Variants in PBX3 observed in about 807,000 individuals in gnomAD.
The protein encoded by PBX3 is PBX homeobox 3.
PBX3 carries 14 observed loss-of-function variants against 48.5 expected under a neutral mutation model. That is an observed-to-expected ratio of 0.29 (90% CI 0.19 to 0.45). The LOEUF is 0.45. PBX3 is among the 20% of genes least tolerant of loss of function. PBX3 has a pLI of 1.00. For synonymous variants in PBX3, 210 were observed against 200.3 expected (o/e 1.05, Z -0.41); for missense variants, 386 against 546.7 (o/e 0.71, Z 2.93).
At chr9:125,752,659 A>T (rs1448784745) in intron 2 of PBX3, among the ~76,000 whole-genome samples, 3 of 152,192 alleles carry the variant, frequency 2.0e-5, no homozygotes, top group Non-Finnish European at 4.4e-5. Context: ...TTAAGGTTTC[A>T]ATATAAAAAT....
chr9:125,856,740 A>T (rs1245773003), intron 2 of PBX3, among the ~76,000 whole-genome samples: 1 of 152,240 alleles, frequency 6.6e-6, no homozygotes, highest in Admixed American at 6.5e-5. Flanking sequence ...GAATGTTTGT[A>T]GCTAGCAATG....
intron 1 of PBX3, chr9:125,748,291 GT>G: frequency 1.8e-6 from 2 of 1,103,506 alleles, no homozygotes; most frequent in East Asian, 1.2e-4. Flanking sequence ...CCCCGCGCGG[GT>G]TCGCGTCGCG....
At chr9:125,945,671 A>G (rs950594054) in intron 5 of PBX3, among the ~76,000 whole-genome samples, 2 of 152,220 alleles carry the variant, frequency 1.3e-5, no homozygotes, top group African/African-American at 4.8e-5. Context: ...TTTACTGAAG[A>G]TGATGATATT....
Position 125,878,677 on chromosome 9 carries a change from C to T in PBX3, c.275-37009C>T, listed in dbSNP as rs376617334. On this transcript the variant is annotated intron_variant, in intron 2 of 8. Coordinates refer to ENST00000373489, the MANE Select transcript of PBX3 (RefSeq NM_006195.6). ...GCTTTAAAGAGTACTACAATAAACT[C>T]ATTTGGATGCTGATGATGTTCACAT... 3.3e-5 allele frequency among the ~76,000 whole-genome samples: 5 copies of T among 152,304 alleles called. No homozygotes were observed. In the South Asian group the frequency reaches 6.2e-4, roughly 19 times the overall value.
At chr9:125,916,068 T>A in intron 3 of PBX3, 141 bp downstream of exon 3, 1 of 1,226,862 alleles carries the variant, frequency 8.2e-7, no homozygotes, top group Non-Finnish European at 1.1e-6. Context: ...AAAATCCAAG[T>A]GAATTGTTGG....
At position 125,888,558 on chromosome 9, in the gene PBX3, C is replaced by CT. The variant is rs35303591; in HGVS notation, c.275-27115dup. ...TTGGGAGGGATACGATTTGATATTT[C>CT]TTTTTTTTTTTTTGGCCGTTTGTTT... On this transcript the variant is annotated intron_variant, in intron 2 of 8. Coordinates refer to ENST00000373489, the MANE Select transcript of PBX3 (RefSeq NM_006195.6). Among the ~76,000 whole-genome samples the CT allele has an allele frequency of 1.3e-3, 183 of 145,192 alleles. 5 individuals are homozygous for CT. In the South Asian group the frequency reaches 0.029, roughly 23 times the overall value.
At chr9:125,866,300 C>G (rs1289161504) in intron 2 of PBX3, among the ~76,000 whole-genome samples, 1 of 152,166 alleles carries the variant, frequency 6.6e-6, no homozygotes, top group Non-Finnish European at 1.5e-5. Flanking sequence ...TTGTCACATA[C>G]TGTGTATTTG....
At chr9:125,896,136 G>C (rs1354155742) in intron 2 of PBX3, among the ~76,000 whole-genome samples, 1 of 151,868 alleles carries the variant, frequency 6.6e-6, no homozygotes, top group Non-Finnish European at 1.5e-5. Context: ...CTTCTCCACT[G>C]GCTGATGAAA....
chr9:125,802,714 C>G (rs528580752), intron 2 of PBX3, among the ~76,000 whole-genome samples: 15 of 151,172 alleles, frequency 9.9e-5, no homozygotes, highest in Admixed American at 4.6e-4. Flanking sequence ...AGTCTCTCTC[C>G]GTTGCCCAGG....
At chr9:125,752,354 TTA>T (rs1363045036) in intron 2 of PBX3, among the ~76,000 whole-genome samples, 1 of 152,178 alleles carries the variant, frequency 6.6e-6, no homozygotes, top group Non-Finnish European at 1.5e-5. Flanking sequence ...GAAGTATTTT[TTA>T]TGTTTAAGGA....
intron 2 of PBX3, among the ~76,000 whole-genome samples, chr9:125,774,528 C>T (rs1281100555): frequency 1.3e-5 from 2 of 152,152 alleles, no homozygotes; most frequent in Non-Finnish European, 1.5e-5. Flanking sequence ...TGGCATCTTT[C>T]ACTTAATGTT....
chr9:125,899,169 T>A (rs1840845678), intron 2 of PBX3, among the ~76,000 whole-genome samples: 1 of 147,836 alleles, frequency 6.8e-6, no homozygotes, highest in South Asian at 2.1e-4. Context: ...TCTCCCTTAT[T>A]GTGTACTTCA....
chr9:125,927,428 G>T (rs886912990), intron 3 of PBX3, among the ~76,000 whole-genome samples: 1 of 152,108 alleles, frequency 6.6e-6, no homozygotes, highest in Non-Finnish European at 1.5e-5. Context: ...AAATACACAG[G>T]GTTCAGGAAA....
chr9:125,812,613 G>A (rs1052017710), intron 2 of PBX3, among the ~76,000 whole-genome samples: 1 of 152,194 alleles, frequency 6.6e-6, no homozygotes, highest in Non-Finnish European at 1.5e-5. Context: ...ACGCTTTTGC[G>A]TGGGTTACGA....
intron 3 of PBX3, among the ~76,000 whole-genome samples, chr9:125,920,958 T>G (rs186815335): frequency 4.1e-4 from 63 of 152,370 alleles, no homozygotes; most frequent in Non-Finnish European, 7.5e-4. Flanking sequence ...GCAAAATAGC[T>G]TTTGCTTGTA....
chr9:125,825,513 A>G (rs575282581), intron 2 of PBX3, among the ~76,000 whole-genome samples: 3 of 151,040 alleles, frequency 2.0e-5, no homozygotes, highest in Non-Finnish European at 2.9e-5. Context: ...AAATTCTTTA[A>G]TGTCTGGCTT....
At chr9:125,819,586 G>C (rs1238048667) in intron 2 of PBX3, among the ~76,000 whole-genome samples, 1 of 152,146 alleles carries the variant, frequency 6.6e-6, no homozygotes, top group Non-Finnish European at 1.5e-5. Flanking sequence ...ATATGGAAAT[G>C]GGAAACGTGC....
At chr9:125,752,932 T>A (rs1836415479) in intron 2 of PBX3, among the ~76,000 whole-genome samples, 1 of 152,200 alleles carries the variant, frequency 6.6e-6, no homozygotes, top group East Asian at 1.9e-4. Flanking sequence ...ACATTTTGTT[T>A]TAATGAACTT....
At chr9:125,885,555 A>C (rs1840478549) in intron 2 of PBX3, among the ~76,000 whole-genome samples, 1 of 152,174 alleles carries the variant, frequency 6.6e-6, no homozygotes, top group Non-Finnish European at 1.5e-5. Flanking sequence ...ATGTAGAATC[A>C]GTTTGCTAGC....
Sources: gnomAD v4.1 joint callset for allele counts (sites outside exome capture counted in the v4.1 genomes callset) on GRCh38, gnomAD v4.1.1 for gene constraint, MANE v1.5 for transcripts, NCBI Gene and HGNC (gene_info 2026-07-23, HGNC 2026-07-21) for gene names.